OXCT1: variants seen among roughly 807,000 people sequenced by gnomAD.
OXCT1 encodes 3-oxoacid CoA-transferase 1.
A neutral mutation model predicts 69.6 loss-of-function variants in OXCT1; 27 were observed. That is an observed-to-expected ratio of 0.39 (90% CI 0.29 to 0.54). OXCT1 has a LOEUF of 0.54. Among genes scored for constraint, OXCT1 ranks in the 20% least tolerant of loss-of-function variants. OXCT1 has a pLI of 0.72. For missense variants in OXCT1, 437 were observed against 650.2 expected (o/e 0.67, Z 3.57); for synonymous variants, 202 against 217.8 (o/e 0.93, Z 0.64).
At chr5:41,781,037 G>A (rs1334437443) in intron 13 of OXCT1, among the ~76,000 whole-genome samples, 1 of 151,956 alleles carries the variant, frequency 6.6e-6, no homozygotes, top group South Asian at 2.1e-4. Context: ...CCAAGTAGCT[G>A]GGACTAAAGG....
chr5:41,817,900 C>T (rs1436132086), intron 7 of OXCT1, among the ~76,000 whole-genome samples: 1 of 152,182 alleles, frequency 6.6e-6, no homozygotes, highest in African/African-American at 2.4e-5. Flanking sequence ...ATTATCAAGT[C>T]TCTCAATGCA....
intron 11 of OXCT1, among the ~76,000 whole-genome samples, chr5:41,798,962 C>T (rs904717819): frequency 6.6e-6 from 1 of 152,138 alleles, no homozygotes; most frequent in Non-Finnish European, 1.5e-5. Flanking sequence ...TTTTCTGGAC[C>T]TCAGTTTCCC....
chr5:41,848,779 C>A (rs1161843117), intron 5 of OXCT1, among the ~76,000 whole-genome samples: 2 of 151,910 alleles, frequency 1.3e-5, no homozygotes, highest in African/African-American at 2.4e-5. Flanking sequence ...ATACAAAAAT[C>A]AATTCAAGAT....
chr5:41,843,898 A>G (rs942333521), intron 5 of OXCT1, among the ~76,000 whole-genome samples: 8 of 152,220 alleles, frequency 5.3e-5, no homozygotes, highest in Admixed American at 1.3e-4. Flanking sequence ...GGATCTTACT[A>G]TAGGAACTAA....
intron 15 of OXCT1, among the ~76,000 whole-genome samples, chr5:41,743,691 T>A (rs1397150252): frequency 6.6e-6 from 1 of 152,350 alleles, no homozygotes; most frequent in African/African-American, 2.4e-5. Flanking sequence ...TTCAGCTTTC[T>A]ACATATGGCT....
chr5:41,862,164 T>C (rs1411349876), intron 2 of OXCT1, among the ~76,000 whole-genome samples: 1 of 152,134 alleles, frequency 6.6e-6, no homozygotes, highest in African/African-American at 2.4e-5. Context: ...TAAACTGAGA[T>C]CGCACCACTG....
At chr5:41,756,043 G>C (rs1485037792) in intron 14 of OXCT1, among the ~76,000 whole-genome samples, 1 of 151,994 alleles carries the variant, frequency 6.6e-6, no homozygotes, top group Non-Finnish European at 1.5e-5. Flanking sequence ...ATAAGCTTAA[G>C]GTAATCCAAA....
At chr5:41,774,765 T>A (rs1745044751) in intron 13 of OXCT1, among the ~76,000 whole-genome samples, 1 of 151,996 alleles carries the variant, frequency 6.6e-6, no homozygotes. Flanking sequence ...CGTGGCGGCA[T>A]GCACCTGTAG....
At chr5:41,853,831 C>A (rs557962165) in intron 3 of OXCT1, among the ~76,000 whole-genome samples, 3 of 152,066 alleles carry the variant, frequency 2.0e-5, no homozygotes, top group Non-Finnish European at 2.9e-5. Flanking sequence ...GGACATACAG[C>A]CAATATTCAC....
rs954217563 is a variant in OXCT1 at position 41,777,183 on chromosome 5, T to G, written c.1249-14983A>C. On this transcript the variant is annotated intron_variant, in intron 13 of 16. Coordinates refer to ENST00000196371, the MANE Select transcript of OXCT1 (RefSeq NM_000436.4). The stretch of plus-strand genomic sequence containing the variant: ...CTGTAATCCCAGCACTTTGGGAGGG[T>G]GAGGTGGGTGGATCATGAGGTCAGG... Among the ~76,000 whole-genome samples the G allele has an allele frequency of 3.3e-5, 5 of 151,734 alleles. No individual in the cohort carries two copies. In the South Asian group the frequency reaches 8.3e-4, roughly 25 times the overall value.
intron 9 of OXCT1, among the ~76,000 whole-genome samples, chr5:41,805,117 T>C (rs1746610540): frequency 6.6e-6 from 1 of 152,030 alleles, no homozygotes; most frequent in Non-Finnish European, 1.5e-5. Flanking sequence ...TATAACAGGG[T>C]AATCACAGGA....
intron 5 of OXCT1, among the ~76,000 whole-genome samples, chr5:41,846,148 T>C (rs551358732): frequency 1.4e-4 from 22 of 151,986 alleles, no homozygotes; most frequent in African/African-American, 5.1e-4. Flanking sequence ...ATTATTATTA[T>C]ACTTTAAGTT....
chr5:41,817,202 T>C (rs1747289407), intron 7 of OXCT1, among the ~76,000 whole-genome samples: 1 of 152,136 alleles, frequency 6.6e-6, no homozygotes, highest in South Asian at 2.1e-4. Flanking sequence ...ATGATTCTAA[T>C]GCCATGTATT....
At chr5:41,851,322 T>A (rs1749162917) in intron 4 of OXCT1, among the ~76,000 whole-genome samples, 1 of 152,190 alleles carries the variant, frequency 6.6e-6, no homozygotes, top group Non-Finnish European at 1.5e-5. Context: ...GGGGTATAAC[T>A]GAAAATCTTC....
At chr5:41,821,351 A>G (rs1747538447) in intron 7 of OXCT1, among the ~76,000 whole-genome samples, 1 of 152,236 alleles carries the variant, frequency 6.6e-6, no homozygotes, top group Non-Finnish European at 1.5e-5. Flanking sequence ...GAAATATAAA[A>G]TTCAACAATG....
chr5:41,861,214 C>T, intron 3 of OXCT1, 100 bp downstream of exon 3: 1 of 813,740 alleles, frequency 1.2e-6, no homozygotes, highest in East Asian at 2.5e-5. Context: ...ACATATTGCT[C>T]ATGTGAATAG....
chr5:41,753,310 G>GACACACACACACACATAGAC (rs1554066135), intron 14 of OXCT1, among the ~76,000 whole-genome samples: 2 of 149,886 alleles, frequency 1.3e-5, no homozygotes, highest in Admixed American at 1.3e-4. Context: ...CACACACATA[G>GACACACACACACACATAGAC]ACACACACAC....
intron 13 of OXCT1, among the ~76,000 whole-genome samples, chr5:41,775,172 T>C: frequency 6.6e-6 from 1 of 152,146 alleles, no homozygotes; most frequent in South Asian, 2.1e-4. Flanking sequence ...AACTCACTTC[T>C]GACCCTAACT....
Position 41,801,004 on chromosome 5 carries a change from A to G in OXCT1, c.1099+18T>C. The G allele has an allele frequency of 6.2e-7, 1 of 1,606,524 alleles. No individual in the cohort carries two copies. On this transcript the variant is annotated intron_variant, in intron 11 of 16. Coordinates refer to ENST00000196371, the MANE Select transcript of OXCT1 (RefSeq NM_000436.4). Reference sequence around the variant, plus strand: ...AAAATTAATAGCAAAGGGAAGGGCTAGAAATAAGTGAGCTTACCTGCATTG... The same window carrying G: ...AAAATTAATAGCAAAGGGAAGGGCTGGAAATAAGTGAGCTTACCTGCATTG...
Sources: gnomAD v4.1 joint callset for allele counts (sites outside exome capture counted in the v4.1 genomes callset) on GRCh38, gnomAD v4.1.1 for gene constraint, MANE v1.5 for transcripts, NCBI Gene and HGNC (gene_info 2026-07-23, HGNC 2026-07-21) for gene names.